Variants in KATNAL1 observed in about 807,000 individuals in gnomAD.
The protein encoded by KATNAL1 is katanin catalytic subunit A1 like 1.
In KATNAL1, 32 loss-of-function variants were observed where a neutral mutation model predicts 55.2. That is an observed-to-expected ratio of 0.58 (90% CI 0.44 to 0.78). The LOEUF (loss-of-function observed/expected upper bound fraction) is 0.78, where lower values mean the gene tolerates loss of function less well. Among genes scored for constraint, KATNAL1 ranks in the 30% least tolerant of loss-of-function variants. KATNAL1 has a pLI of 0.00. For missense variants in KATNAL1, 466 were observed against 600.9 expected, an observed-to-expected ratio of 0.78 and a Z score of 2.35; for synonymous variants, 193 against 193.6, an observed-to-expected ratio of 1.00 and a Z score of 0.02.
chr13:30,214,739 G>A (rs903461602), intron 9 of KATNAL1, among the ~76,000 whole-genome samples: 1 of 151,906 alleles, frequency 6.6e-6, no homozygotes, highest in African/African-American at 2.4e-5. Context: ...GCTGAAACTG[G>A]ATCCCTTCCT....
At chr13:30,284,360 T>G (rs1248532873) in intron 1 of KATNAL1, among the ~76,000 whole-genome samples, 1 of 152,228 alleles carries the variant, frequency 6.6e-6, no homozygotes, top group African/African-American at 2.4e-5. Flanking sequence ...CTAGTTTTCC[T>G]TATTCCTTTA....
chr13:30,247,217 G>C (rs569259287), intron 4 of KATNAL1, among the ~76,000 whole-genome samples: 1 of 152,288 alleles, frequency 6.6e-6, no homozygotes, highest in South Asian at 2.1e-4. Context: ...TCTTACCCCA[G>C]TGTGAGAAAC....
chr13:30,274,907 G>GCACACACACACACACACACA (rs368435407), intron 3 of KATNAL1, among the ~76,000 whole-genome samples: 1 of 105,390 alleles, frequency 9.5e-6, no homozygotes, highest in Non-Finnish European at 1.9e-5. Flanking sequence ...GCGCGCGCGC[G>GCACACACACACACACACACA]CACACACACA....
chr13:30,226,077 C>G (rs1232418889), intron 9 of KATNAL1, among the ~76,000 whole-genome samples: 1 of 152,120 alleles, frequency 6.6e-6, no homozygotes, highest in Non-Finnish European at 1.5e-5. Flanking sequence ...AATCATGAGA[C>G]AGCATTTCAT....
intron 2 of KATNAL1, among the ~76,000 whole-genome samples, chr13:30,281,094 G>A (rs1015947460): frequency 2.3e-5 from 3 of 131,342 alleles, no homozygotes; most frequent in African/African-American, 9.4e-5. Context: ...CTGCACTCCA[G>A]CCTGGGCAAC....
At chr13:30,293,772 C>T (rs1351976954) in intron 1 of KATNAL1, among the ~76,000 whole-genome samples, 1 of 152,162 alleles carries the variant, frequency 6.6e-6, no homozygotes, top group Non-Finnish European at 1.5e-5. Context: ...TACTGCACTT[C>T]GCAGACACCA....
intron 3 of KATNAL1, among the ~76,000 whole-genome samples, chr13:30,279,778 T>C (rs1881135437): frequency 6.6e-6 from 1 of 152,214 alleles, no homozygotes; most frequent in African/African-American, 2.4e-5. Flanking sequence ...GATGCTGCCA[T>C]TACGAAACCC....
chr13:30,261,399 C>G (rs1200856894), intron 3 of KATNAL1, among the ~76,000 whole-genome samples: 1 of 152,088 alleles, frequency 6.6e-6, no homozygotes, highest in Non-Finnish European at 1.5e-5. Flanking sequence ...GGACTAAATG[C>G]TCCAGTTAAA....
At chr13:30,217,332 T>A (rs996262665) in intron 9 of KATNAL1, among the ~76,000 whole-genome samples, 1 of 152,006 alleles carries the variant, frequency 6.6e-6, no homozygotes, top group African/African-American at 2.4e-5. Flanking sequence ...CGGACAACTG[T>A]AATCCCAGCT....
At chr13:30,269,484 G>A (rs999830222) in intron 3 of KATNAL1, among the ~76,000 whole-genome samples, 6 of 152,194 alleles carry the variant, frequency 3.9e-5, no homozygotes, top group South Asian at 2.1e-4. Flanking sequence ...GTCTCTGCCC[G>A]GCCGCCACCC....
rs578224848 is a variant in KATNAL1, at chr13:30,260,248, T to G, written c.324-4633A>C. 2.0e-5 allele frequency among the ~76,000 whole-genome samples: 3 copies of G among 151,772 alleles called. No homozygotes were observed. The East Asian group carries it at 5.8e-4, about 29-fold the overall frequency. On this transcript the variant is annotated intron_variant, in intron 3 of 10. Coordinates refer to ENST00000380615, the MANE Select transcript of KATNAL1 (RefSeq NM_032116.5). ...CATCACCATCATCAAAGACCAAAAG[T>G]AGATAAAACCACAAAGATGGGGAAA...
intron 4 of KATNAL1, among the ~76,000 whole-genome samples, chr13:30,241,972 G>C (rs893620744): frequency 2.0e-5 from 3 of 152,130 alleles, no homozygotes; most frequent in Non-Finnish European, 2.9e-5. Context: ...TTTTCCCGAA[G>C]ATTCTTGCAT....
At chr13:30,266,555 A>T (rs1047616228) in intron 3 of KATNAL1, among the ~76,000 whole-genome samples, 1 of 152,184 alleles carries the variant, frequency 6.6e-6, no homozygotes, top group East Asian at 1.9e-4. Context: ...GCATGAAAAA[A>T]ATCACAAGTC....
chr13:30,296,594 G>C (rs1020737802), intron 1 of KATNAL1: 6 of 724,060 alleles, frequency 8.3e-6, no homozygotes, highest in Non-Finnish European at 1.6e-5. Context: ...GACGCTCATT[G>C]GATGAGGCTC....
At chr13:30,236,526 T>C (rs1397241170) in intron 6 of KATNAL1, among the ~76,000 whole-genome samples, 1 of 152,236 alleles carries the variant, frequency 6.6e-6, no homozygotes, top group Non-Finnish European at 1.5e-5. Flanking sequence ...AGCCCATGAC[T>C]TTCTGCAGGC....
chr13:30,267,391 T>C lies in KATNAL1; in HGVS notation c.324-11776A>G, dbSNP rs114046947. On this transcript the variant is annotated intron_variant, in intron 3 of 10. Coordinates refer to ENST00000380615, the MANE Select transcript of KATNAL1 (RefSeq NM_032116.5). Reference sequence around the variant, plus strand: ...TCAACTTCTGAGATTATTCTACTGATTTATAAAACCAAGTGGATACTAAAA... The same window carrying C: ...TCAACTTCTGAGATTATTCTACTGACTTATAAAACCAAGTGGATACTAAAA... Among the ~76,000 whole-genome samples, 472 of 152,308 alleles carry C rather than the reference T, an allele frequency of 3.1e-3. 2 individuals are homozygous for C. Among genetic ancestry groups the C allele is most frequent in the African/African-American group, 0.011 (450 of 41,558 alleles).
intron 6 of KATNAL1, among the ~76,000 whole-genome samples, chr13:30,235,198 A>G (rs1189992212): frequency 6.6e-6 from 1 of 152,184 alleles, no homozygotes; most frequent in African/African-American, 2.4e-5. Context: ...AATTTTAAAG[A>G]AAAAAAGGTT....
intron 9 of KATNAL1, among the ~76,000 whole-genome samples, chr13:30,214,369 T>C (rs977585344): frequency 3.1e-4 from 47 of 152,226 alleles, no homozygotes; most frequent in Admixed American, 1.8e-3. Flanking sequence ...ATAGATTTAA[T>C]GCCATCCCCA....
At chr13:30,281,903 T>A (rs1046007634) in intron 2 of KATNAL1, 16 of 152,344 alleles carry the variant, frequency 1.1e-4, no homozygotes, top group Middle Eastern at 3.4e-3. Context: ...GATGTTACGT[T>A]GTTTTAGTAT....
Sources: gnomAD v4.1 joint callset for allele counts (sites outside exome capture counted in the v4.1 genomes callset) on GRCh38, gnomAD v4.1.1 for gene constraint, MANE v1.5 for transcripts, NCBI Gene and HGNC (gene_info 2026-07-23, HGNC 2026-07-21) for gene names.